RNLS: variants seen among roughly 807,000 people sequenced by gnomAD.
The protein encoded by RNLS is renalase.
RNLS carries 39 observed loss-of-function variants against 39.8 expected under a neutral mutation model. The ratio of observed to expected loss-of-function variants is 0.98; its 90% CI spans 0.76 to 1.28. The LOEUF (loss-of-function observed/expected upper bound fraction) is 1.28. Among genes scored for constraint, RNLS ranks in the 50% most tolerant of loss-of-function variants. The pLI is 0.00. For synonymous variants in RNLS, 147 were observed against 150.7 expected (o/e 0.98, Z 0.18); for missense variants, 410 against 413.3 (o/e 0.99, Z 0.07).
In RNLS at chr10:88,583,080, C is replaced by T. The variant is rs2296545; in HGVS notation, c.111G>A (p.Glu37=). ...PLYLAVWDKA[E]DSGGRMTTAC... ...GGCGTTTAGACAACCCACCTGAGTC[C>T]TCAGCCTTGTCCCACACAGCAAGGT... The change falls in exon 1 of 7, where the codon GAG becomes GAA. Residue 37 remains glutamate (E), a synonymous_variant. Transcript: ENST00000331772. 4 of 1,611,042 alleles carry T rather than the reference C, an allele frequency of 2.5e-6. No homozygotes were observed. The highest frequency in any genetic ancestry group is 3.4e-6 in the Non-Finnish European group (4 of 1,178,360).
intron 6 of RNLS, among the ~76,000 whole-genome samples, chr10:88,308,800 A>G (rs946788214): frequency 1.3e-5 from 2 of 152,212 alleles, no homozygotes; most frequent in Non-Finnish European, 2.9e-5. Flanking sequence ...AAGTTGTTCT[A>G]TTATAAGATA....
chr10:88,510,619 C>T (rs916314787), intron 4 of RNLS, among the ~76,000 whole-genome samples: 1 of 151,724 alleles, frequency 6.6e-6, no homozygotes, highest in African/African-American at 2.4e-5. Context: ...CCGAGGCGGG[C>T]GGATCACAAG....
At chr10:88,349,232 T>A (rs1420203498) in intron 5 of RNLS, among the ~76,000 whole-genome samples, 2 of 152,196 alleles carry the variant, frequency 1.3e-5, no homozygotes, top group African/African-American at 4.8e-5. Flanking sequence ...TTGATTTCTA[T>A]AGTTAGCTGA....
intron 4 of RNLS, among the ~76,000 whole-genome samples, chr10:88,540,798 T>A (rs1430081667): frequency 2.0e-5 from 3 of 152,120 alleles, no homozygotes; most frequent in Non-Finnish European, 2.9e-5. Context: ...TTTACAGGCA[T>A]GCCACATATA....
At chr10:88,279,005 T>A (rs1842913183) in intron 6 of RNLS, among the ~76,000 whole-genome samples, 1 of 152,210 alleles carries the variant, frequency 6.6e-6, no homozygotes, top group Admixed American at 6.5e-5. Flanking sequence ...TATTGCAATT[T>A]TGGCAGAAAG....
Position 88,324,091 on chromosome 10 carries a change from G to A in RNLS, c.701-9450C>T, listed in dbSNP as rs377312856. Among the ~76,000 whole-genome samples, 6 of 152,210 alleles carry A rather than the reference G, an allele frequency of 3.9e-5. No homozygotes were observed. In the East Asian group the frequency reaches 1.2e-3, roughly 29 times the overall value. ...AAAAAGTCAAAAAACAATAGATGCT[G>A]GCAAGGCTGCAGAGAAAAGGAACGC... On this transcript the variant is annotated intron_variant, in intron 5 of 6. Coordinates refer to ENST00000331772, the MANE Select transcript of RNLS (RefSeq NM_001031709.3).
intron 5 of RNLS, among the ~76,000 whole-genome samples, chr10:88,355,193 T>G (rs1849057671): frequency 6.6e-6 from 1 of 152,216 alleles, no homozygotes; most frequent in African/African-American, 2.4e-5. Context: ...TTTGATCATC[T>G]GAAGCCTTCT....
the RNLS span, among the ~76,000 whole-genome samples, chr10:88,254,603 G>C: frequency 6.6e-6 from 1 of 152,162 alleles, no homozygotes; most frequent in African/African-American, 2.4e-5. Flanking sequence ...GCTTAAGCCA[G>C]CTTTGTTTCA....
At chr10:88,495,209 T>G (rs1272101529) in intron 4 of RNLS, among the ~76,000 whole-genome samples, 2 of 152,174 alleles carry the variant, frequency 1.3e-5, no homozygotes, top group African/African-American at 2.4e-5. Context: ...CAAAGATTTT[T>G]GTACAGGGAC....
At chr10:88,298,507 C>T (rs568001598) in intron 6 of RNLS, among the ~76,000 whole-genome samples, 6 of 152,192 alleles carry the variant, frequency 3.9e-5, no homozygotes, top group South Asian at 2.1e-4. Flanking sequence ...GGTGAATTTT[C>T]GTGTGCAGTG....
chr10:88,554,277 T>C (rs1178568829), intron 4 of RNLS, among the ~76,000 whole-genome samples: 3 of 152,114 alleles, frequency 2.0e-5, no homozygotes, highest in Non-Finnish European at 4.4e-5. Flanking sequence ...AACATATAAA[T>C]AGTAAATGGA....
At chr10:88,527,954 A>C (rs1368160894) in intron 4 of RNLS, among the ~76,000 whole-genome samples, 1 of 152,038 alleles carries the variant, frequency 6.6e-6, no homozygotes, top group East Asian at 1.9e-4. Flanking sequence ...AAATCATAAA[A>C]GAAAATTCAG....
At chr10:88,497,953 AAC>A (rs1345399519) in intron 4 of RNLS, among the ~76,000 whole-genome samples, 5 of 145,878 alleles carry the variant, frequency 3.4e-5, no homozygotes, top group African/African-American at 5.0e-5. Context: ...GAAAAAAAAA[AAC>A]CCAAAAAGTC....
the RNLS span, among the ~76,000 whole-genome samples, chr10:88,265,782 A>G: frequency 2.0e-5 from 3 of 152,196 alleles, no homozygotes; most frequent in Non-Finnish European, 2.9e-5. Flanking sequence ...TGTTCTAAAT[A>G]TAAAATGAGA....
At chr10:88,410,363 CT>C (rs1413239346) in intron 4 of RNLS, among the ~76,000 whole-genome samples, 1 of 152,036 alleles carries the variant, frequency 6.6e-6, no homozygotes, top group East Asian at 1.9e-4. Context: ...TTCATTGTAA[CT>C]TCAGAAAATA....
At chr10:88,344,078 G>T (rs1848148039) in intron 5 of RNLS, among the ~76,000 whole-genome samples, 1 of 152,108 alleles carries the variant, frequency 6.6e-6, no homozygotes, top group Admixed American at 6.6e-5. Context: ...TTTGTGTTAA[G>T]TGGTATTATG....
At chr10:88,183,344 CCTT>C in the RNLS span, among the ~76,000 whole-genome samples, 2 of 152,070 alleles carry the variant, frequency 1.3e-5, no homozygotes, top group South Asian at 2.1e-4. Flanking sequence ...GTAGATGAAG[CCTT>C]CTTTTTCACT....
At chr10:88,333,583 A>G (rs1017183760) in intron 5 of RNLS, among the ~76,000 whole-genome samples, 2 of 152,176 alleles carry the variant, frequency 1.3e-5, no homozygotes, top group Non-Finnish European at 2.9e-5. Context: ...ATTTAATAAC[A>G]TGAATTGCCA....
At chr10:88,459,364 C>G (rs566327597) in intron 4 of RNLS, among the ~76,000 whole-genome samples, 1 of 152,128 alleles carries the variant, frequency 6.6e-6, no homozygotes, top group Admixed American at 6.6e-5. Flanking sequence ...AGCGTTCACT[C>G]AAGAGACCAT....
Sources: gnomAD v4.1 joint callset for allele counts (sites outside exome capture counted in the v4.1 genomes callset) on GRCh38, gnomAD v4.1.1 for gene constraint, MANE v1.5 for transcripts, NCBI Gene and HGNC (gene_info 2026-07-23, HGNC 2026-07-21) for gene names.